The following CSMD1 variants were observed in gnomAD, a reference collection of about 807,000 sequenced individuals.
CSMD1 encodes CUB and Sushi multiple domains 1, also known as CUB and sushi domain-containing protein 1.
Under a neutral mutation model 417.5 loss-of-function variants are expected in CSMD1, and 213 were observed. That is an observed-to-expected ratio of 0.51 (90% CI 0.46 to 0.57). CSMD1 has a LOEUF of 0.57. Ranked by LOEUF, CSMD1 falls within the 20% of genes least tolerant of loss-of-function variation. The pLI, the probability that CSMD1 is intolerant of heterozygous loss-of-function variation, is 0.00. For synonymous variants in CSMD1, 2,862 were observed against 1,736.8 expected (o/e 1.65, Z -16.11); for missense variants, 6,923 against 4,529.7 (o/e 1.53, Z -15.17).
At chr8:4,042,399 T>C (rs1797936389) in intron 3 of CSMD1, among the ~76,000 whole-genome samples, 1 of 152,074 alleles carries the variant, frequency 6.6e-6, no homozygotes, top group African/African-American at 2.4e-5. Flanking sequence ...TAGGAAGTAC[T>C]GAAATAACGA....
intron 3 of CSMD1, among the ~76,000 whole-genome samples, chr8:4,226,420 T>G (rs1337687740): frequency 6.6e-6 from 1 of 152,174 alleles, no homozygotes; most frequent in Admixed American, 6.5e-5. Context: ...AAACATAACA[T>G]GCAGAATTAA....
At chr8:3,752,700 A>AC (rs1398213071) in intron 6 of CSMD1, among the ~76,000 whole-genome samples, 5 of 151,006 alleles carry the variant, frequency 3.3e-5, no homozygotes, top group Admixed American at 6.6e-5. Context: ...AAAAAAAAAA[A>AC]AAAACATATT....
chr8:4,868,006 T>A (rs1211175287), intron 1 of CSMD1, among the ~76,000 whole-genome samples: 1 of 152,042 alleles, frequency 6.6e-6, no homozygotes, highest in African/African-American at 2.4e-5. Context: ...TTCACAAAAC[T>A]GCTAAATGCG....
At chr8:4,031,358 T>C (rs144784121) in intron 4 of CSMD1, among the ~76,000 whole-genome samples, 82 of 152,292 alleles carry the variant, frequency 5.4e-4, no homozygotes, top group African/African-American at 1.9e-3. Flanking sequence ...GAGGAGCACA[T>C]CACGTCTTAC....
chr8:4,021,068 C>A (rs1317158988), intron 4 of CSMD1, among the ~76,000 whole-genome samples: 1 of 152,144 alleles, frequency 6.6e-6, no homozygotes. Flanking sequence ...CAGAGCTCTA[C>A]AAGCATTAGC....
intron 51 of CSMD1, among the ~76,000 whole-genome samples, chr8:3,022,820 G>A (rs1287400420): frequency 1.3e-5 from 2 of 152,084 alleles, no homozygotes; most frequent in South Asian, 2.1e-4. Context: ...GCAAATACAC[G>A]AAGGCACTCC....
At chr8:4,775,088 C>T (rs1796781345) in intron 1 of CSMD1, among the ~76,000 whole-genome samples, 1 of 152,086 alleles carries the variant, frequency 6.6e-6, no homozygotes, top group South Asian at 2.1e-4. Context: ...TTAAAAGGTA[C>T]TAAAGAGCAA....
chr8:4,814,133 A>G (rs1299675895), intron 1 of CSMD1, among the ~76,000 whole-genome samples: 1 of 152,230 alleles, frequency 6.6e-6, no homozygotes, highest in Non-Finnish European at 1.5e-5. Flanking sequence ...TATTTCTTGG[A>G]ATATATAACG....
intron 2 of CSMD1, among the ~76,000 whole-genome samples, chr8:4,605,187 T>A (rs1027605843): frequency 3.9e-5 from 6 of 152,126 alleles, no homozygotes; most frequent in Non-Finnish European, 7.4e-5. Context: ...CAAATATAAC[T>A]TGAAATTAAG....
Position 3,284,224 on chromosome 8 carries a change from T to G in CSMD1, c.4073A>C (p.His1358Pro). The G allele has an allele frequency of 1.2e-6, 2 of 1,612,634 alleles. No individual in the cohort carries two copies. Among genetic ancestry groups the G allele is most frequent in the Non-Finnish European group, 8.5e-7 (1 of 1,179,390 alleles). ...CAGGGTGAGTGAGTTGAAGGTGCTG[T>G]GGATGTCCTCCGGAAGGGCGGAGCC... Reference protein sequence around the residue: ...WSGSALPEDIHSTFNSLTLQF... With the variant: ...WSGSALPEDIPSTFNSLTLQF... The change falls in exon 26 of 70, where the codon CAC becomes CCC. Residue 1358 changes from histidine (H) to proline (P), a missense_variant. Transcript: ENST00000635120.
At chr8:4,724,580 A>G (rs1809292205) in intron 1 of CSMD1, among the ~76,000 whole-genome samples, 2 of 150,278 alleles carry the variant, frequency 1.3e-5, no homozygotes, top group African/African-American at 4.9e-5. Flanking sequence ...TCCCAGTGAA[A>G]TTCTGTTGAA....
chr8:3,025,094 G>A (rs902481437), intron 51 of CSMD1, among the ~76,000 whole-genome samples: 13 of 149,368 alleles, frequency 8.7e-5, no homozygotes, highest in African/African-American at 3.2e-4. Context: ...GTGTTATTCT[G>A]AAACTGTGTA....
At chr8:4,057,883 A>T (rs1286901346) in intron 3 of CSMD1, among the ~76,000 whole-genome samples, 1 of 152,088 alleles carries the variant, frequency 6.6e-6, no homozygotes, top group Non-Finnish European at 1.5e-5. Context: ...GTTCTGTTCC[A>T]TTGATCTATA....
At chr8:3,533,850 C>A (rs1487438565) in intron 10 of CSMD1, among the ~76,000 whole-genome samples, 1 of 152,180 alleles carries the variant, frequency 6.6e-6, no homozygotes. Flanking sequence ...AGTTAGAGAT[C>A]TTAGTCTGTA....
intron 1 of CSMD1, among the ~76,000 whole-genome samples, chr8:4,658,457 G>T (rs1385741330): frequency 1.3e-5 from 2 of 152,196 alleles, no homozygotes; most frequent in East Asian, 3.9e-4. Context: ...TATTTTTAAA[G>T]CAGTGACGCA....
At chr8:4,640,099 G>C (rs1453080146) in intron 1 of CSMD1, among the ~76,000 whole-genome samples, 1 of 152,214 alleles carries the variant, frequency 6.6e-6, no homozygotes, top group Non-Finnish European at 1.5e-5. Context: ...AGACCCATCA[G>C]GTTGAATCAG....
At chr8:4,645,490 G>A (rs143921882) in intron 1 of CSMD1, among the ~76,000 whole-genome samples, 11 of 138,408 alleles carry the variant, frequency 7.9e-5, no homozygotes, top group Non-Finnish European at 1.1e-4. Context: ...ACTGGGCTTC[G>A]GATCAAACAA....
intron 3 of CSMD1, among the ~76,000 whole-genome samples, chr8:4,376,560 T>TG (rs1223399251): frequency 2.6e-5 from 4 of 152,202 alleles, no homozygotes; most frequent in African/African-American, 4.8e-5. Context: ...CTCATATATT[T>TG]GCCTGTTTGT....
intron 12 of CSMD1, among the ~76,000 whole-genome samples, chr8:3,425,168 G>C (rs760422078): frequency 6.6e-6 from 1 of 152,168 alleles, no homozygotes; most frequent in Non-Finnish European, 1.5e-5. Context: ...TGTCTAGCCT[G>C]TCAATTAAAC....
Sources: allele counts gnomAD v4.1 joint callset (sites outside exome capture counted in the v4.1 genomes callset), GRCh38; gene constraint gnomAD v4.1.1; transcripts MANE v1.5; gene names NCBI Gene and HGNC (gene_info 2026-07-23, HGNC 2026-07-21).